The following TENM3 variants were observed in gnomAD, a reference collection of about 807,000 sequenced individuals.
TENM3 encodes the protein teneurin transmembrane protein 3, also known as teneurin-3.
In TENM3, 63 loss-of-function variants were observed where a neutral mutation model predicts 255.1. The ratio of observed to expected loss-of-function variants is 0.25; its 90% CI spans 0.20 to 0.30. The LOEUF (loss-of-function observed/expected upper bound fraction) is 0.30. Ranked by LOEUF, TENM3 falls within the 10% of genes least tolerant of loss-of-function variation. The probability of loss-of-function intolerance (pLI) is 1.00; values close to 1 mark genes in which losing one functional copy is unlikely to be tolerated. For missense variants in TENM3, 2,929 were observed against 3,461.1 expected (o/e 0.85, Z 3.86); for synonymous variants, 1,306 against 1,322.3 (o/e 0.99, Z 0.27).
chr4:181,872,712 G>T, the TENM3 span, among the ~76,000 whole-genome samples: 1 of 151,714 alleles, frequency 6.6e-6, no homozygotes, highest in Non-Finnish European at 1.5e-5. Context: ...GTCTTGCTGG[G>T]GCCCATTAAT....
the TENM3 span, among the ~76,000 whole-genome samples, chr4:181,845,516 T>C: frequency 2.0e-5 from 3 of 152,182 alleles, no homozygotes; most frequent in Admixed American, 6.5e-5. Context: ...TATATACACA[T>C]ACACACACAT....
chr4:181,742,819 C>T, the TENM3 span, among the ~76,000 whole-genome samples: 1 of 146,874 alleles, frequency 6.8e-6, no homozygotes, highest in African/African-American at 2.5e-5. Flanking sequence ...AATGTTATCC[C>T]TCCTCCCTCC....
chr4:181,469,055 C>T, the TENM3 span, among the ~76,000 whole-genome samples: 1 of 152,086 alleles, frequency 6.6e-6, no homozygotes, highest in African/African-American at 2.4e-5. Flanking sequence ...GATTGAACTG[C>T]AGGTGTTAGA....
At chr4:181,631,308 A>C in the TENM3 span, among the ~76,000 whole-genome samples, 2 of 146,366 alleles carry the variant, frequency 1.4e-5, no homozygotes, top group African/African-American at 5.1e-5. Flanking sequence ...TTTTTTTTTT[A>C]GACGAAGTTT....
At chr4:182,572,202 A>C (rs1374336233) in intron 3 of TENM3, among the ~76,000 whole-genome samples, 2 of 152,142 alleles carry the variant, frequency 1.3e-5, no homozygotes, top group Non-Finnish European at 2.9e-5. Context: ...GCGCCCGGCC[A>C]ATATTACTGT....
At chr4:182,318,136 C>A (rs1427538454) in intron 1 of TENM3, among the ~76,000 whole-genome samples, 1 of 152,104 alleles carries the variant, frequency 6.6e-6, no homozygotes, top group Non-Finnish European at 1.5e-5. Context: ...TCCAAGGTAA[C>A]ATTCAAGGCT....
At chr4:182,527,674 C>T (rs1275407742) in intron 3 of TENM3, among the ~76,000 whole-genome samples, 2 of 152,076 alleles carry the variant, frequency 1.3e-5, no homozygotes, top group African/African-American at 4.8e-5. Flanking sequence ...TTGATTTTCT[C>T]ACCTGTGTAA....
the TENM3 span, among the ~76,000 whole-genome samples, chr4:181,504,378 A>C: frequency 2.0e-5 from 3 of 152,150 alleles, no homozygotes; most frequent in African/African-American, 7.2e-5. Flanking sequence ...AGCTCCCAAG[A>C]GCAGGCTCCT....
chr4:182,240,030 G>GAGT (rs1351121308), upstream of TENM3, among the ~76,000 whole-genome samples: 3 of 152,206 alleles, frequency 2.0e-5, no homozygotes, highest in Non-Finnish European at 2.9e-5. Context: ...AACAGTTGTA[G>GAGT]AGTAGTGAAA....
intron 1 of TENM3, among the ~76,000 whole-genome samples, chr4:182,285,137 G>A (rs1294895430): frequency 1.3e-5 from 2 of 152,000 alleles, no homozygotes; most frequent in African/African-American, 4.8e-5. Context: ...ACTTTCCAAC[G>A]CTTTGATGTT....
chr4:181,795,803 T>TA, the TENM3 span, among the ~76,000 whole-genome samples: 2 of 152,190 alleles, frequency 1.3e-5, no homozygotes, highest in Non-Finnish European at 2.9e-5. Context: ...ATATGCCATG[T>TA]AAAAATACCT....
At chr4:181,925,009 A>G in the TENM3 span, among the ~76,000 whole-genome samples, 4 of 152,220 alleles carry the variant, frequency 2.6e-5, no homozygotes, top group African/African-American at 4.8e-5. Context: ...ATACAATAGT[A>G]TTTTCGGTAA....
the TENM3 span, among the ~76,000 whole-genome samples, chr4:181,655,363 A>G: frequency 6.6e-6 from 1 of 152,320 alleles, no homozygotes; most frequent in Non-Finnish European, 1.5e-5. Flanking sequence ...TCGGAGGCTA[A>G]GGAGAGAAGA....
chr4:182,562,819 A>G (rs955220746), intron 3 of TENM3, among the ~76,000 whole-genome samples: 3 of 152,170 alleles, frequency 2.0e-5, no homozygotes, highest in African/African-American at 7.2e-5. Context: ...CTTCTGCTCC[A>G]GTCATGCAAT....
chr4:182,209,899 G>A (rs895444996), intron 1 of TENM3, among the ~76,000 whole-genome samples: 3 of 151,980 alleles, frequency 2.0e-5, no homozygotes, highest in African/African-American at 4.8e-5. Context: ...TGCAGGGGGA[G>A]GTGGGGTAGA....
intron 1 of TENM3, among the ~76,000 whole-genome samples, chr4:182,210,832 C>T (rs766537842): frequency 2.8e-4 from 43 of 152,188 alleles, no homozygotes; most frequent in Non-Finnish European, 7.3e-5. Context: ...CCAGGCTCTT[C>T]TCTCAGTCTA....
At chr4:182,690,561 T>G (rs1756938410) in intron 12 of TENM3, among the ~76,000 whole-genome samples, 1 of 152,152 alleles carries the variant, frequency 6.6e-6, no homozygotes, top group Non-Finnish European at 1.5e-5. Context: ...TGAGTCTAGC[T>G]GAGGGAGAAA....
the TENM3 span, among the ~76,000 whole-genome samples, chr4:181,886,482 A>G: frequency 6.6e-6 from 1 of 152,200 alleles, no homozygotes; most frequent in East Asian, 1.9e-4. Flanking sequence ...ATACATGAAA[A>G]TCATTAATTA....
At chr4:182,005,975 A>G in the TENM3 span, among the ~76,000 whole-genome samples, 2 of 152,140 alleles carry the variant, frequency 1.3e-5, no homozygotes, top group Admixed American at 1.3e-4. Context: ...GGCTGAGACA[A>G]TGGGGTTTTC....
Sources: allele counts gnomAD v4.1 joint callset (sites outside exome capture counted in the v4.1 genomes callset), GRCh38; gene constraint gnomAD v4.1.1; transcripts MANE v1.5; gene names NCBI Gene and HGNC (gene_info 2026-07-23, HGNC 2026-07-21).